The following NIN variants were observed in gnomAD, a reference collection of about 807,000 sequenced individuals.
NIN encodes the protein ninein.
Under a neutral mutation model 257.6 loss-of-function variants are expected in NIN, and 137 were observed. The observed-to-expected ratio is 0.53, with a 90% CI of 0.46 to 0.61. The LOEUF (loss-of-function observed/expected upper bound fraction) is 0.61. NIN is among the 20% of genes least tolerant of loss of function. NIN has a pLI of 0.00. For missense variants in NIN, 2,439 were observed against 2,501.2 expected (o/e 0.98, Z 0.53); for synonymous variants, 918 against 919.8 (o/e 1.00, Z 0.04).
intron 15 of NIN, 73 bp from the exon 16 acceptor site, chr14:50,761,984 C>T: frequency 6.6e-7 from 1 of 1,510,764 alleles, no homozygotes; most frequent in South Asian, 1.2e-5. Context: ...TGAGGAGGGA[C>T]ATCCAGTTTA....
chr14:50,731,226 G>C (rs1000901915), intron 28 of NIN, among the ~76,000 whole-genome samples: 10 of 152,058 alleles, frequency 6.6e-5, no homozygotes, highest in African/African-American at 2.4e-4. Context: ...CCAATATAAT[G>C]ATTTAGAAGA....
chr14:50,821,290 T>C (rs1301206765), intron 3 of NIN, among the ~76,000 whole-genome samples: 2 of 152,248 alleles, frequency 1.3e-5, no homozygotes, highest in Non-Finnish European at 2.9e-5. Flanking sequence ...ACTTGATCTA[T>C]GGTAATAACA....
Position 50,758,520 on chromosome 14 carries a change from T to G in NIN, c.2510A>C (p.Glu837Ala), listed in dbSNP as rs753891011. ...ERCESALQSL[E>A]GRYRQELKDL... ...CTTCAGCTCTTGGCGGTAGCGCCCC[T>G]CCAGGCTTTGCAGAGCGCTTTCACA... The change falls in exon 18 of 31, where the codon GAG (glutamate) becomes GCG (alanine). Residue 837 changes from glutamate (E) to alanine (A), a missense_variant. This residue lies in a region of NIN where 2,043 missense variants were observed against 2,050.2 expected (regional missense o/e 1.00). Transcript: ENST00000530997. The G allele has an allele frequency of 6.2e-7, 1 of 1,614,214 alleles. No individual in the cohort carries two copies. Among genetic ancestry groups the G allele is most frequent in the Non-Finnish European group, 8.5e-7 (1 of 1,180,030 alleles).
At chr14:50,806,609 G>A (rs1219549911) in intron 4 of NIN, 128 bp downstream of exon 4, 13 of 538,568 alleles carry the variant, frequency 2.4e-5, no homozygotes, top group East Asian at 9.6e-5. Context: ...AGAAGTCACC[G>A]AAAATAACTG....
intron 4 of NIN, chr14:50,806,297 A>T (rs1159957013): frequency 6.5e-6 from 1 of 152,742 alleles, no homozygotes; most frequent in Admixed American, 6.5e-5. Flanking sequence ...GGAGACAGAT[A>T]ATTATAATGT....
intron 3 of NIN, among the ~76,000 whole-genome samples, chr14:50,808,774 T>C (rs1270848574): frequency 2.6e-5 from 4 of 152,206 alleles, no homozygotes; most frequent in African/African-American, 9.7e-5. Context: ...ATGGTATTTA[T>C]AATACCGCTT....
intron 3 of NIN, among the ~76,000 whole-genome samples, chr14:50,810,162 C>T (rs901116862): frequency 1.4e-5 from 2 of 146,152 alleles, no homozygotes; most frequent in Non-Finnish European, 3.0e-5. Context: ...ACCCGGGAGG[C>T]GGAGCTTGCA....
chr14:50,764,755 G>C (rs989113829), intron 14 of NIN, among the ~76,000 whole-genome samples: 2 of 152,054 alleles, frequency 1.3e-5, no homozygotes, highest in African/African-American at 4.8e-5. Context: ...GAAATGTATA[G>C]AATATGCAAA....
intron 28 of NIN, among the ~76,000 whole-genome samples, chr14:50,733,930 A>G (rs564147970): frequency 6.6e-6 from 1 of 152,304 alleles, no homozygotes; most frequent in East Asian, 1.9e-4. Context: ...AAAATTGACA[A>G]ACTTCACTGG....
Position 50,771,869 on chromosome 14 carries a change from C to T in NIN, c.982-401G>A, listed in dbSNP as rs570826662. 2.4e-4 allele frequency: 44 copies of T among 186,084 alleles called. 1 individual carries two copies. The highest frequency in any genetic ancestry group is 1.3e-3 in the Admixed American group (23 of 17,876). 11.5% of individuals were successfully genotyped at this position (186,084 alleles called of 1,614,324 possible). On this transcript the variant is annotated intron_variant, in intron 9 of 30. Coordinates refer to ENST00000530997, the MANE Select transcript of NIN (RefSeq NM_020921.4). ...GCATGGTGGTGTGCGCCTGTAGTCC[C>T]AGCTACTTGGGAGGCAGAGGCAGGA...
chr14:50,781,757 G>C (rs1465382540), intron 5 of NIN, among the ~76,000 whole-genome samples: 1 of 152,222 alleles, frequency 6.6e-6, no homozygotes, highest in African/African-American at 2.4e-5. Flanking sequence ...ATTTCATGGA[G>C]TTATGGTAAA....
chr14:50,808,305 C>T (rs951794897), intron 3 of NIN, among the ~76,000 whole-genome samples: 5 of 152,214 alleles, frequency 3.3e-5, no homozygotes, highest in Non-Finnish European at 5.9e-5. Context: ...AGTTAACATG[C>T]GCAAGGCCAG....
At chr14:50,787,219 A>G (rs1469951040) in intron 5 of NIN, among the ~76,000 whole-genome samples, 1 of 152,252 alleles carries the variant, frequency 6.6e-6, no homozygotes, top group Non-Finnish European at 1.5e-5. Context: ...GTGGAGGAAA[A>G]CAGTTAACAA....
intron 24 of NIN, among the ~76,000 whole-genome samples, chr14:50,742,580 G>A (rs1253663509): frequency 6.6e-6 from 1 of 151,958 alleles, no homozygotes; most frequent in Non-Finnish European, 1.5e-5. Context: ...ATTTTTAGTA[G>A]AGACGGGGTT....
intron 5 of NIN, among the ~76,000 whole-genome samples, chr14:50,790,328 G>A (rs1004944813): frequency 1.3e-5 from 2 of 152,146 alleles, no homozygotes; most frequent in African/African-American, 4.8e-5. Context: ...AGTGCTGGGA[G>A]GCATGAGCCA....
chr14:50,792,792 C>T lies in NIN; in HGVS notation c.355G>A (p.Glu119Lys), dbSNP rs1482146458. The T allele has an allele frequency of 3.1e-6, 5 of 1,614,098 alleles. No individual in the cohort carries two copies. The highest frequency in any genetic ancestry group is 4.2e-6 in the Non-Finnish European group (5 of 1,180,056). Reference sequence around the variant, plus strand: ...TCAATCACCGTCACTTCAGGAAACTCCTCCACGGACTCTTGGAACTCGGGC... The same window carrying T: ...TCAATCACCGTCACTTCAGGAAACTTCTCCACGGACTCTTGGAACTCGGGC... ...SLPEFQESVE[E>K]FPEVTVIEPL... Residue 119 changes from glutamate (E) to lysine (K), a missense_variant, in exon 5 of 31, where the codon GAG (glutamate) becomes AAG (lysine). Physicochemically the swap from Glu to Lys is moderately conservative, Grantham distance 56 (BLOSUM62 1). Around this residue, in one of 3 missense-constraint regions of NIN, gnomAD observed 387 missense variants for 427.3 expected, o/e 0.91. Transcript: ENST00000530997.
At chr14:50,794,409 G>A in intron 4 of NIN, 1 of 743,312 alleles carries the variant, frequency 1.3e-6, no homozygotes, top group Non-Finnish European at 1.6e-6. Context: ...AATTTATACT[G>A]AAAATTGCAT....
Position 50,820,624 on chromosome 14 carries a change from C to T in NIN, c.183+1250G>A, listed in dbSNP as rs548633844. 2.6e-5 allele frequency among the ~76,000 whole-genome samples: 4 copies of T among 152,176 alleles called. No individual in the cohort carries two copies. In the East Asian group the frequency reaches 7.7e-4, roughly 29 times the overall value. On this transcript the variant is annotated intron_variant, in intron 3 of 30. Transcript: ENST00000530997. ...CATGAGGAGCAAATGGTTCAATCTT[C>T]GAAGCTTCATTTTAAGATTATTAAA...
intron 6 of NIN, 47 bp downstream of exon 6, chr14:50,778,718 C>T (rs770055078): frequency 7.6e-6 from 12 of 1,583,814 alleles, no homozygotes; most frequent in Middle Eastern, 1.9e-4. Context: ...GGAGAGCACC[C>T]GGCGGCCCTT....
Sources: gnomAD v4.1 joint callset for allele counts (sites outside exome capture counted in the v4.1 genomes callset) on GRCh38, gnomAD v4.1.1 for gene constraint, gnomAD v4.1.1 regional missense constraint, MANE v1.5 for transcripts, NCBI Gene and HGNC (gene_info 2026-07-23, HGNC 2026-07-21) for gene names.